Variants in ARID4A observed in about 807,000 individuals in gnomAD.
ARID4A encodes AT-rich interactive domain-containing protein 4A.
Under a neutral mutation model 148.6 loss-of-function variants are expected in ARID4A, and 39 were observed. The ratio of observed to expected loss-of-function variants is 0.26; its 90% CI spans 0.20 to 0.34. The LOEUF (loss-of-function observed/expected upper bound fraction) is 0.34. Among genes scored for constraint, ARID4A ranks in the 10% least tolerant of loss-of-function variants. The probability of loss-of-function intolerance (pLI) is 1.00; values close to 1 mark genes in which losing one functional copy is unlikely to be tolerated. For synonymous variants in ARID4A, 475 were observed against 481.2 expected, an observed-to-expected ratio of 0.99 and a Z score of 0.17; for missense variants, 1,265 against 1,449.1, an observed-to-expected ratio of 0.87 and a Z score of 2.06.
At chr14:58,359,664 G>A (rs1164032366) in intron 18 of ARID4A, among the ~76,000 whole-genome samples, 5 of 152,034 alleles carry the variant, frequency 3.3e-5, no homozygotes, top group African/African-American at 1.2e-4. Context: ...TTGCCTTTTT[G>A]AGAATATCAT....
chr14:58,318,845 A>T (rs776435062), intron 7 of ARID4A, 40 bp downstream of exon 7: 2 of 1,509,406 alleles, frequency 1.3e-6, no homozygotes, highest in Non-Finnish European at 9.2e-7. Context: ...AATTACAATT[A>T]TTATAACCTT....
At chr14:58,301,233 C>T (rs893638773) in intron 2 of ARID4A, among the ~76,000 whole-genome samples, 1 of 151,952 alleles carries the variant, frequency 6.6e-6, no homozygotes, top group Admixed American at 6.6e-5. Context: ...AAATGAATAA[C>T]TTAGTTTTAT....
chr14:58,315,526 A>C (rs1184098717), intron 5 of ARID4A, among the ~76,000 whole-genome samples: 1 of 152,148 alleles, frequency 6.6e-6, no homozygotes, highest in East Asian at 1.9e-4. Context: ...ACCTCCATTT[A>C]AATGTGTGTG....
At position 58,328,311 on chromosome 14, in the gene ARID4A, T is replaced by C; in HGVS notation, c.657T>C (p.Ser219=). The C allele has an allele frequency of 6.3e-7, 1 of 1,588,970 alleles. No individual in the cohort carries two copies. Among genetic ancestry groups the C allele is most frequent in the South Asian group, 1.1e-5 (1 of 90,370 alleles). Residue 219 remains serine, a synonymous_variant, in exon 9 of 24, where the codon TCT becomes TCC. Coordinates refer to ENST00000355431, the MANE Select transcript of ARID4A (RefSeq NM_002892.4). Reference sequence around the variant, plus strand: ...GTTTAGTTCGATCATTTATTGATTCTAAATTGTGAGTAATGAATCCTTTAA... The same window carrying C: ...GTTTAGTTCGATCATTTATTGATTCCAAATTGTGAGTAATGAATCCTTTAA... The part of the protein sequence containing the change: ...DQCLVRSFID[S]KFYSIARKDI...
At chr14:58,320,858 C>T (rs1472372384) in intron 7 of ARID4A, among the ~76,000 whole-genome samples, 8 of 152,164 alleles carry the variant, frequency 5.3e-5, no homozygotes, top group South Asian at 2.1e-4. Context: ...CTGCCCGCCT[C>T]GGCCTCCCAA....
At chr14:58,365,973 T>C in intron 21 of ARID4A, 51 bp from the exon 22 acceptor site, 1 of 1,437,336 alleles carries the variant, frequency 7.0e-7, no homozygotes, top group African/African-American at 1.4e-5. Flanking sequence ...TGCATTTTGA[T>C]ATTTAAGAAT....
At chr14:58,301,338 CATT>C (rs368919598) in intron 2 of ARID4A, among the ~76,000 whole-genome samples, 14 of 152,108 alleles carry the variant, frequency 9.2e-5, no homozygotes, top group South Asian at 2.1e-4. Flanking sequence ...CGAGACAAAA[CATT>C]ATTAATCACT....
intron 14 of ARID4A, 51 bp from the exon 15 acceptor site, chr14:58,347,596 A>T: frequency 2.2e-6 from 3 of 1,342,648 alleles, no homozygotes; most frequent in East Asian, 2.4e-5. Context: ...CATGAATTCA[A>T]GTTAGATGCA....
chr14:58,339,434 T>C (rs1395570703), intron 11 of ARID4A, among the ~76,000 whole-genome samples: 1 of 152,208 alleles, frequency 6.6e-6, no homozygotes, highest in African/African-American at 2.4e-5. Flanking sequence ...GTGGCTCCGA[T>C]ATGTTATACG....
intron 19 of ARID4A, among the ~76,000 whole-genome samples, chr14:58,363,474 C>T (rs181393534): frequency 1.7e-3 from 261 of 152,120 alleles, no homozygotes; most frequent in African/African-American, 5.8e-3. Context: ...CTGAGGTGGG[C>T]GGATCACTTG....
intron 17 of ARID4A, among the ~76,000 whole-genome samples, chr14:58,356,519 A>AT (rs2140252369): frequency 6.6e-6 from 1 of 152,220 alleles, no homozygotes; most frequent in Non-Finnish European, 1.5e-5. Context: ...AAAGCCTAAT[A>AT]TGATGCTCAT....
chr14:58,365,205 G>T lies in ARID4A; in HGVS notation c.3116G>T (p.Gly1039Val), dbSNP rs747652772. The change falls in exon 20 of 24, where the codon GGT becomes GTT. Residue 1039 changes from glycine (G) to valine (V), a missense_variant. By Grantham distance (109) the Gly-to-Val change is moderately radical (BLOSUM62 -3). Around this residue, in one of 9 missense-constraint regions of ARID4A, gnomAD observed 666 missense variants for 730.9 expected, o/e 0.91. Coordinates refer to ENST00000355431, the MANE Select transcript of ARID4A (RefSeq NM_002892.4). ...VDSIAEESQE[G>V]LCERESANGF... ...AGTATTGCTGAAGAATCTCAAGAAG[G>T]TCTCTGTGAGAGGGAATCGGCAAAT... The T allele has an allele frequency of 1.9e-6, 3 of 1,613,960 alleles. No individual in the cohort carries two copies. The African/African-American group carries it at 4.0e-5, about 22-fold the overall frequency.
At chr14:58,334,153 T>A (rs1473000605) in intron 11 of ARID4A, among the ~76,000 whole-genome samples, 1 of 152,160 alleles carries the variant, frequency 6.6e-6, no homozygotes, top group South Asian at 2.1e-4. Flanking sequence ...AAAATATAGC[T>A]ACATACAGCT....
chr14:58,302,173 C>T (rs141333192), intron 3 of ARID4A, among the ~76,000 whole-genome samples: 58 of 152,220 alleles, frequency 3.8e-4, no homozygotes, highest in Admixed American at 2.4e-3. Context: ...GCCTGGCCAA[C>T]GTGGCGAAAC....
intron 1 of ARID4A, among the ~76,000 whole-genome samples, chr14:58,299,092 A>G (rs1298904297): frequency 6.6e-6 from 1 of 152,138 alleles, no homozygotes; most frequent in Non-Finnish European, 1.5e-5. Flanking sequence ...TCTGGGCTGT[A>G]CAAAAAGTTG....
At chr14:58,357,419 C>G (rs1195578194) in intron 17 of ARID4A, among the ~76,000 whole-genome samples, 1 of 152,164 alleles carries the variant, frequency 6.6e-6, no homozygotes, top group Non-Finnish European at 1.5e-5. Flanking sequence ...CTTTGTACAT[C>G]TCCATGGTAA....
intron 5 of ARID4A, among the ~76,000 whole-genome samples, chr14:58,315,447 CATT>C (rs1283918862): frequency 6.6e-6 from 1 of 152,094 alleles, no homozygotes; most frequent in Non-Finnish European, 1.5e-5. Context: ...AATGATAAAA[CATT>C]ATAGAAAATA....
At chr14:58,305,265 A>T (rs2031513400) in intron 4 of ARID4A, among the ~76,000 whole-genome samples, 2 of 152,174 alleles carry the variant, frequency 1.3e-5, no homozygotes, top group South Asian at 4.1e-4. Context: ...TTCTGTTTTG[A>T]ATTCTTGAAC....
chr14:58,320,594 A>G (rs1174637558), intron 7 of ARID4A, among the ~76,000 whole-genome samples: 1 of 139,234 alleles, frequency 7.2e-6, no homozygotes, highest in Non-Finnish European at 1.6e-5. Context: ...CTTCCATGAC[A>G]TTGACTTTTT....
Sources: gnomAD v4.1 joint callset for allele counts (sites outside exome capture counted in the v4.1 genomes callset) on GRCh38, gnomAD v4.1.1 for gene constraint, gnomAD v4.1.1 regional missense constraint, MANE v1.5 for transcripts, NCBI Gene and HGNC (gene_info 2026-07-23, HGNC 2026-07-21) for gene names.